LYRM4: variants seen among roughly 807,000 people sequenced by gnomAD.
The protein encoded by LYRM4 is LYR motif-containing protein 4.
In LYRM4, 9 loss-of-function variants were observed where a neutral mutation model predicts 11.7. The observed-to-expected ratio is 0.77, with a 90% CI of 0.46 to 1.34. The LOEUF (loss-of-function observed/expected upper bound fraction) is 1.34. Among genes scored for constraint, LYRM4 ranks in the 40% most tolerant of loss-of-function variants. The pLI is 0.00. For missense variants in LYRM4, 133 were observed against 112.5 expected (o/e 1.18, Z -0.82); for synonymous variants, 42 against 40.4 (o/e 1.04, Z -0.15).
At position 5,210,108 on chromosome 6, in the gene LYRM4, G is replaced by T. The variant is rs957584397; in HGVS notation, c.207+6510C>A. ...AAGAGAAGTCTTTGGAATCTATAATGATATAAATATATAGCTGGCATATAA... is the reference window on the plus strand; with the variant it reads ...AAGAGAAGTCTTTGGAATCTATAATTATATAAATATATAGCTGGCATATAA... On this transcript the variant is annotated intron_variant, in intron 2 of 2. Coordinates refer to ENST00000330636, the MANE Select transcript of LYRM4 (RefSeq NM_020408.6). Among the ~76,000 whole-genome samples, 5 of 152,112 alleles carry T rather than the reference G, an allele frequency of 3.3e-5. No homozygotes were observed. In the East Asian group the frequency reaches 9.6e-4, roughly 29 times the overall value.
At chr6:5,174,297 A>G (rs1759594651) in intron 2 of LYRM4, among the ~76,000 whole-genome samples, 1 of 152,206 alleles carries the variant, frequency 6.6e-6, no homozygotes, top group South Asian at 2.1e-4. Context: ...ACCTGCACAG[A>G]GAAAACACAA....
At chr6:5,085,541 G>A in the LYRM4 span, 5 of 1,540,266 alleles carry the variant, frequency 3.2e-6, no homozygotes, top group Non-Finnish European at 8.7e-7. Flanking sequence ...GCGCCCTTCC[G>A]AGAGGCCCCG....
At chr6:5,136,599 C>T in intron 2 of LYRM4, 1 of 984,968 alleles carries the variant, frequency 1.0e-6, no homozygotes, top group Non-Finnish European at 1.2e-6. Flanking sequence ...ACACAGCTTT[C>T]AATTAATGGC....
chr6:5,044,209 A>G, the LYRM4 span, among the ~76,000 whole-genome samples: 1 of 151,766 alleles, frequency 6.6e-6, no homozygotes, highest in African/African-American at 2.4e-5. Context: ...GCTCACTGCA[A>G]CCTCTGCCTC....
intron 2 of LYRM4, among the ~76,000 whole-genome samples, chr6:5,131,136 G>GT (rs1243810920): frequency 1.3e-5 from 2 of 152,154 alleles, no homozygotes; most frequent in African/African-American, 4.8e-5. Flanking sequence ...ATTAATATTT[G>GT]ACAAGGCAGA....
At chr6:5,257,426 C>T (rs1225177362) in intron 1 of LYRM4, among the ~76,000 whole-genome samples, 1 of 152,220 alleles carries the variant, frequency 6.6e-6, no homozygotes, top group Non-Finnish European at 1.5e-5. Flanking sequence ...ACAACTATCT[C>T]TGTACCTGTG....
intron 2 of LYRM4, among the ~76,000 whole-genome samples, chr6:5,123,484 TA>T (rs1484526424): frequency 2.0e-5 from 3 of 152,142 alleles, no homozygotes; most frequent in Non-Finnish European, 4.4e-5. Context: ...TGAGTATACG[TA>T]TAAGCACTTC....
At chr6:5,221,966 T>C (rs1438795233) in intron 1 of LYRM4, among the ~76,000 whole-genome samples, 1 of 152,206 alleles carries the variant, frequency 6.6e-6, no homozygotes, top group Non-Finnish European at 1.5e-5. Context: ...TTTAACATCC[T>C]TGGGGTTATG....
intron 2 of LYRM4, among the ~76,000 whole-genome samples, chr6:5,164,925 G>C (rs1361999577): frequency 4.5e-5 from 6 of 133,658 alleles, no homozygotes; most frequent in Non-Finnish European, 9.1e-5. Flanking sequence ...CCGAGATTGT[G>C]CCACCACACT....
intron 2 of LYRM4, among the ~76,000 whole-genome samples, chr6:5,204,589 C>T (rs1443120647): frequency 1.3e-5 from 2 of 152,188 alleles, no homozygotes; most frequent in Non-Finnish European, 2.9e-5. Flanking sequence ...GTCAGAGCCT[C>T]ACAAGGAAGG....
rs59706905 is a variant in LYRM4 at position 5,169,906 on chromosome 6, C to T, written c.207+46712G>A. 1.8e-3 allele frequency among the ~76,000 whole-genome samples: 275 copies of T among 152,198 alleles called. 6 individuals are homozygous for T. Among genetic ancestry groups the T allele is most frequent in the African/African-American group, 6.4e-3 (265 of 41,502 alleles). ...TTGAGAAAGCTTTCAGAGAGACAAG[C>T]GTTTAAAAAGAAATGGCCAGCAAAG... On this transcript the variant is annotated intron_variant, in intron 2 of 2. Coordinates refer to ENST00000330636, the MANE Select transcript of LYRM4 (RefSeq NM_020408.6).
the LYRM4 span, among the ~76,000 whole-genome samples, chr6:5,068,260 C>T: frequency 6.6e-6 from 1 of 152,214 alleles, no homozygotes; most frequent in Non-Finnish European, 1.5e-5. This position sits in a 1 kb window ranked among gnomAD's most constrained non-coding sequence, Gnocchi z 4.0. Flanking sequence ...CATCAACCAT[C>T]GTCCGCTGGG....
chr6:5,181,189 GGTT>G (rs1760052276), intron 2 of LYRM4, among the ~76,000 whole-genome samples: 1 of 152,104 alleles, frequency 6.6e-6, no homozygotes, highest in Non-Finnish European at 1.5e-5. Context: ...CCACAAACCT[GGTT>G]GAAAGAGGAA....
At chr6:5,069,846 A>G in the LYRM4 span, among the ~76,000 whole-genome samples, 1 of 151,952 alleles carries the variant, frequency 6.6e-6, no homozygotes, top group Non-Finnish European at 1.5e-5. Flanking sequence ...TAGAATATGA[A>G]CTCCCCAAGG....
intron 2 of LYRM4, among the ~76,000 whole-genome samples, chr6:5,216,359 G>C (rs1178353368): frequency 6.6e-6 from 1 of 152,168 alleles, no homozygotes; most frequent in Non-Finnish European, 1.5e-5. Flanking sequence ...AATTAATGCA[G>C]AAGTTTCTCA....
intron 1 of LYRM4, among the ~76,000 whole-genome samples, chr6:5,239,251 G>A (rs545522651): frequency 1.6e-4 from 25 of 152,276 alleles, no homozygotes; most frequent in South Asian, 1.4e-3. Context: ...TAAAGTAAGG[G>A]GAGAAAGTGA....
chr6:5,087,828 G>A, the LYRM4 span: 1 of 152,308 alleles, frequency 6.6e-6, no homozygotes, highest in Non-Finnish European at 1.5e-5. Context: ...GGGTGGGCAG[G>A]AGGGCATCCC....
the LYRM4 span, among the ~76,000 whole-genome samples, chr6:5,047,839 T>C: frequency 6.6e-6 from 1 of 152,202 alleles, no homozygotes; most frequent in African/African-American, 2.4e-5. Context: ...GCATAAAATA[T>C]CACAAAGTAG....
At chr6:5,066,698 A>T in the LYRM4 span, 1 of 904,878 alleles carries the variant, frequency 1.1e-6, no homozygotes, top group Non-Finnish European at 1.8e-6. Context: ...ATAGGTGTGG[A>T]GGTCTATTTT....
Sources: allele counts gnomAD v4.1 joint callset (sites outside exome capture counted in the v4.1 genomes callset), GRCh38; gene constraint gnomAD v4.1.1; non-coding constraint Gnocchi (gnomAD v3.1); transcripts MANE v1.5; gene names NCBI Gene and HGNC (gene_info 2026-07-23, HGNC 2026-07-21).